Variants in DNAAF11 observed in about 807,000 individuals in gnomAD.
DNAAF11 encodes the protein dynein axonemal assembly factor 11, also known as leucine rich repeat containing 6.
DNAAF11 carries 45 observed loss-of-function variants against 60.8 expected under a neutral mutation model. The ratio of observed to expected loss-of-function variants is 0.74; its 90% CI spans 0.58 to 0.95. The LOEUF (loss-of-function observed/expected upper bound fraction) is 0.95. Ranked by LOEUF, DNAAF11 falls within the 40% of genes least tolerant of loss-of-function variation. The probability of loss-of-function intolerance (pLI) is 0.00; values close to 1 mark genes in which losing one functional copy is unlikely to be tolerated. For synonymous variants in DNAAF11, 191 were observed against 183.5 expected (o/e 1.04, Z -0.33); for missense variants, 546 against 546.2 (o/e 1.00, Z 0.00).
At chr8:132,611,700 G>A (rs1247916273) in intron 8 of DNAAF11, among the ~76,000 whole-genome samples, 1 of 152,084 alleles carries the variant, frequency 6.6e-6, no homozygotes, top group Non-Finnish European at 1.5e-5. Flanking sequence ...TGAATAGCCA[G>A]GAATGCTGAT....
chr8:132,603,703 A>G (rs907077248), intron 10 of DNAAF11, among the ~76,000 whole-genome samples: 1 of 152,070 alleles, frequency 6.6e-6, no homozygotes, highest in Non-Finnish European at 1.5e-5. Context: ...AAGTTTTGCA[A>G]TGAAGTGGAC....
intron 10 of DNAAF11, among the ~76,000 whole-genome samples, chr8:132,586,225 C>T (rs1358740183): frequency 6.6e-6 from 1 of 152,122 alleles, no homozygotes; most frequent in Non-Finnish European, 1.5e-5. Flanking sequence ...AATACATGTG[C>T]AGCAGTGCTG....
intron 1 of DNAAF11, among the ~76,000 whole-genome samples, chr8:132,673,503 T>G (rs889702724): frequency 1.3e-5 from 2 of 152,216 alleles, no homozygotes; most frequent in Admixed American, 1.3e-4. Flanking sequence ...GTGGCTCTTT[T>G]GATAAATTTC....
intron 10 of DNAAF11, among the ~76,000 whole-genome samples, chr8:132,597,863 A>G (rs955408668): frequency 6.6e-6 from 1 of 152,144 alleles, no homozygotes; most frequent in Non-Finnish European, 1.5e-5. Flanking sequence ...TTGGGGGGGA[A>G]TTTCACAGGA....
chr8:132,622,829 T>C (rs1819895740), intron 6 of DNAAF11, 141 bp from the exon 7 acceptor site: 1 of 634,302 alleles, frequency 1.6e-6, no homozygotes, highest in African/African-American at 1.8e-5. Flanking sequence ...CAACAATTCC[T>C]TGTTCTTAAG....
At chr8:132,619,138 G>T (rs1819498986) in intron 7 of DNAAF11, among the ~76,000 whole-genome samples, 1 of 152,294 alleles carries the variant, frequency 6.6e-6, no homozygotes, top group Non-Finnish European at 1.5e-5. Flanking sequence ...ATGAGTTCAT[G>T]TCCTTTGTAG....
At chr8:132,700,523 C>CCA in the DNAAF11 span, among the ~76,000 whole-genome samples, 1 of 135,398 alleles carries the variant, frequency 7.4e-6, no homozygotes, top group Admixed American at 7.7e-5. Context: ...CCCACCTCTA[C>CCA]AAAAAAAAAA....
intron 3 of DNAAF11, among the ~76,000 whole-genome samples, chr8:132,651,847 G>A (rs1009026717): frequency 3.3e-5 from 5 of 152,178 alleles, no homozygotes; most frequent in East Asian, 1.9e-4. Context: ...GAACAGGGCC[G>A]TAAAACGTTA....
intron 10 of DNAAF11, among the ~76,000 whole-genome samples, chr8:132,596,415 T>C (rs977221438): frequency 2.6e-5 from 4 of 152,176 alleles, no homozygotes; most frequent in Admixed American, 6.5e-5. Flanking sequence ...CAGTTCCCCA[T>C]AGAAGATCAT....
At chr8:132,646,755 AC>A (rs1822436137) in intron 3 of DNAAF11, among the ~76,000 whole-genome samples, 1 of 152,236 alleles carries the variant, frequency 6.6e-6, no homozygotes, top group Admixed American at 6.5e-5. Flanking sequence ...GAAGGCCATT[AC>A]ATAATGGTAA....
At position 132,587,521 on chromosome 8, in the gene DNAAF11, G is replaced by GT. The variant is rs575017447; in HGVS notation, c.1141-3743dup. Among the ~76,000 whole-genome samples, 127 of 152,216 alleles carry GT rather than the reference G, an allele frequency of 8.3e-4. 1 individual carries two copies. Among genetic ancestry groups the GT allele is most frequent in the Non-Finnish European group, 3.7e-4 (25 of 68,012 alleles). On this transcript the variant is annotated intron_variant, in intron 10 of 11. Coordinates refer to ENST00000620350, the MANE Select transcript of DNAAF11 (RefSeq NM_012472.6). ...TTCAGTGTTCCAAGGTTTTGGAATCGTAACATTTGGTTTCCCACTGTACCT... is the reference window on the plus strand; with the variant it reads ...TTCAGTGTTCCAAGGTTTTGGAATCGTTAACATTTGGTTTCCCACTGTACCT...
chr8:132,634,837 C>G (rs1270470003), intron 4 of DNAAF11, among the ~76,000 whole-genome samples: 1 of 150,014 alleles, frequency 6.7e-6, no homozygotes, highest in Non-Finnish European at 1.5e-5. Context: ...TATATTATAA[C>G]AAGCTAGAAA....
intron 10 of DNAAF11, among the ~76,000 whole-genome samples, chr8:132,585,937 G>A (rs755236947): frequency 6.6e-6 from 1 of 152,156 alleles, no homozygotes; most frequent in Non-Finnish European, 1.5e-5. Context: ...AACTGAATGA[G>A]TGGGATGAAT....
intron 3 of DNAAF11, among the ~76,000 whole-genome samples, chr8:132,656,028 TAC>T (rs1823531674): frequency 6.6e-6 from 1 of 152,180 alleles, no homozygotes; most frequent in Non-Finnish European, 1.5e-5. Flanking sequence ...TGTGCACATG[TAC>T]ACAAAGTAAA....
At chr8:132,593,332 C>CATACATATATATATATATAT (rs577618316) in intron 10 of DNAAF11, among the ~76,000 whole-genome samples, 108 of 108,658 alleles carry the variant, frequency 9.9e-4, no homozygotes, top group Middle Eastern at 0.015. Context: ...TATATACATA[C>CATACATATATATATATATAT]ATATATATAT....
chr8:132,613,799 C>G (rs572214036), intron 8 of DNAAF11, among the ~76,000 whole-genome samples: 2 of 152,110 alleles, frequency 1.3e-5, no homozygotes, highest in South Asian at 4.1e-4. Flanking sequence ...AAAGTTACCC[C>G]CTCTTGGGTA....
At chr8:132,669,687 G>C (rs1379292874) in intron 1 of DNAAF11, among the ~76,000 whole-genome samples, 2 of 152,112 alleles carry the variant, frequency 1.3e-5, no homozygotes, top group African/African-American at 2.4e-5. Flanking sequence ...AGTGACGTCA[G>C]GTTCTGGACA....
intron 8 of DNAAF11, among the ~76,000 whole-genome samples, chr8:132,611,622 A>G (rs1165792718): frequency 6.6e-6 from 1 of 152,194 alleles, no homozygotes; most frequent in Non-Finnish European, 1.5e-5. Flanking sequence ...GGTCTGAAAC[A>G]CCAGAGGTTT....
chr8:132,648,137 A>G (rs1445906025), intron 3 of DNAAF11, among the ~76,000 whole-genome samples: 1 of 152,244 alleles, frequency 6.6e-6, no homozygotes, highest in Admixed American at 6.5e-5. Flanking sequence ...CGAATCCAGC[A>G]GCACATCAAA....
Sources: allele counts gnomAD v4.1 joint callset (sites outside exome capture counted in the v4.1 genomes callset), GRCh38; gene constraint gnomAD v4.1.1; transcripts MANE v1.5; gene names NCBI Gene and HGNC (gene_info 2026-07-23, HGNC 2026-07-21).